A2ML1: variants seen among roughly 807,000 people sequenced by gnomAD.
A2ML1 encodes the protein alpha-2-macroglobulin like 1, also known as alpha-2-macroglobulin-like protein 1.
In A2ML1, 161 loss-of-function variants were observed where a neutral mutation model predicts 181.9. That is an observed-to-expected ratio of 0.89 (90% CI 0.78 to 1.01). The LOEUF (loss-of-function observed/expected upper bound fraction) is 1.01, where lower values mean the gene tolerates loss of function less well. Among genes scored for constraint, A2ML1 ranks in the 50% least tolerant of loss-of-function variants. The probability of loss-of-function intolerance (pLI) is 0.00; values close to 1 mark genes in which losing one functional copy is unlikely to be tolerated. For synonymous variants in A2ML1, 663 were observed against 666.8 expected (o/e 0.99, Z 0.09); for missense variants, 1,670 against 1,768.1 (o/e 0.94, Z 1.00).
chr12:8,828,550 C>T (rs993875382), intron 3 of A2ML1, among the ~76,000 whole-genome samples: 1 of 152,172 alleles, frequency 6.6e-6, no homozygotes, highest in Non-Finnish European at 1.5e-5. Context: ...CCAAGAGCCA[C>T]AGCCCATAAC....
chr12:8,838,308 C>G, intron 8 of A2ML1, 28 bp from the exon 9 acceptor site: 1 of 1,515,928 alleles, frequency 6.6e-7, no homozygotes, highest in Non-Finnish European at 9.1e-7. Context: ...CATCTGCTCT[C>G]TATCTCTGTC....
intron 3 of A2ML1, among the ~76,000 whole-genome samples, chr12:8,828,871 T>C (rs1943017064): frequency 6.6e-6 from 1 of 152,160 alleles, no homozygotes; most frequent in Non-Finnish European, 1.5e-5. Context: ...GTCTAAATGC[T>C]CCCTCCATGG....
chr12:8,868,520 C>A lies in A2ML1; in HGVS notation c.4062-17C>A, dbSNP rs1165097948. On this transcript the variant is annotated splice_polypyrimidine_tract_variant and intron_variant, in intron 31 of 35. Transcript: ENST00000299698. ...GAAGTAATAGGCTCACATGTGTTTT[C>A]TTCTTCCTGCTCTCAGTTATGTGGG... 1.9e-6 allele frequency: 3 copies of A among 1,612,582 alleles called. No individual in the cohort carries two copies. The highest frequency in any genetic ancestry group is 2.2e-5 in the South Asian group (2 of 90,860).
intron 4 of A2ML1, among the ~76,000 whole-genome samples, chr12:8,831,606 T>TAGACAGGGTTGATTTATCG (rs1170411764): frequency 1.3e-5 from 2 of 152,200 alleles, no homozygotes; most frequent in Non-Finnish European, 2.9e-5. Context: ...GCCTGCTGCT[T>TAGACAGGGTTGATTTATCG]AGACAGGGTT....
intron 32 of A2ML1, 115 bp downstream of exon 32, chr12:8,868,742 G>GTA: frequency 1.4e-6 from 1 of 726,604 alleles, no homozygotes; most frequent in Non-Finnish European, 2.3e-6. Flanking sequence ...CACAAGGCAT[G>GTA]TATATACATA....
At chr12:8,882,712 AG>A (rs1944882823) in intron 7 of A2ML1, among the ~76,000 whole-genome samples, 1 of 152,204 alleles carries the variant, frequency 6.6e-6, no homozygotes, top group Non-Finnish European at 1.5e-5. Context: ...CTGTAGTCCC[AG>A]CACTTTGGGA....
intron 29 of A2ML1, among the ~76,000 whole-genome samples, chr12:8,865,462 C>T (rs1944393831): frequency 6.6e-6 from 1 of 152,154 alleles, no homozygotes; most frequent in Admixed American, 6.5e-5. Context: ...TCGCTTGAAC[C>T]CGGGAGGCAG....
chr12:8,857,238 A>G lies in A2ML1; in HGVS notation c.2923A>G (p.Met975Val), dbSNP rs773352640. The change falls in exon 24 of 36, where the codon ATG becomes GTG. Residue 975 changes from methionine (M) to valine (V), a missense_variant. Physicochemically the swap from Met to Val is conservative, Grantham distance 21. Coordinates refer to ENST00000299698, the MANE Select transcript of A2ML1 (RefSeq NM_144670.6). ...GCCCAGTGGCTGTGGCGAGCAGAAC[A>G]TGGTCTTGTTTGCTCCCATCATCTA... ...QMPSGCGEQN[M>V]VLFAPIIYVL... is the part of the protein sequence containing the mutation. 1.2e-6 allele frequency: 2 copies of G among 1,613,370 alleles called. No homozygotes were observed. The highest frequency in any genetic ancestry group is 1.7e-5 in the Admixed American group (1 of 60,016).
In A2ML1 at chr12:8,843,250, C is replaced by G. The variant is rs1565473400; in HGVS notation, c.1365C>G (p.Ile455Met). 6.2e-7 allele frequency: 1 copy of G among 1,614,262 alleles called. No individual in the cohort carries two copies. Among genetic ancestry groups the G allele is most frequent in the Non-Finnish European group, 8.5e-7 (1 of 1,180,050 alleles). ...FYSTTRSFLG[I>M]HRLNGPLKCG... is the part of the protein sequence containing the mutation. ...GCACAACCCGCAGCTTCCTTGGCAT[C>G]CACCGGCTAAACGGCCCCTTGAAAT... is the stretch of plus-strand genomic sequence containing the variant. The change falls in exon 12 of 36, where the codon ATC becomes ATG. Residue 455 changes from isoleucine to methionine, a missense_variant. Coordinates refer to ENST00000299698, the MANE Select transcript of A2ML1 (RefSeq NM_144670.6).
At chr12:8,844,067 G>A (rs1249878386) in intron 12 of A2ML1, among the ~76,000 whole-genome samples, 1 of 151,676 alleles carries the variant, frequency 6.6e-6, no homozygotes, top group African/African-American at 2.4e-5. Flanking sequence ...GCATGGCCCA[G>A]TATAGGTGTA....
At position 8,852,039 on chromosome 12, in the gene A2ML1, G is replaced by C. The variant is rs776749220; in HGVS notation, c.2463+27G>C. 6.2e-7 allele frequency: 1 copy of C among 1,608,872 alleles called. No homozygotes were observed. The highest frequency in any genetic ancestry group is 1.1e-5 in the South Asian group (1 of 90,936). On this transcript the variant is annotated intron_variant, in intron 19 of 35. Coordinates refer to ENST00000299698, the MANE Select transcript of A2ML1 (RefSeq NM_144670.6). This position sits in a 1 kb window ranked among gnomAD's most constrained non-coding sequence, Gnocchi z 4.2. Reference sequence around the variant, plus strand: ...TGAGAGCTGGGGATACAGGAATCAGGTGTCAGCCCTGGAATCACACCTCCC... The same window carrying C: ...TGAGAGCTGGGGATACAGGAATCAGCTGTCAGCCCTGGAATCACACCTCCC...
chr12:8,847,533 C>A lies in A2ML1; in HGVS notation c.1684-16C>A. On this transcript the variant is annotated splice_polypyrimidine_tract_variant and intron_variant, in intron 14 of 35. Transcript: ENST00000299698. ...AGGCTGACCTGATCCCCAAGTTATA[C>A]CTTTCCCTTCCCCAGGTTTCCCTTG... 6.2e-7 allele frequency: 1 copy of A among 1,600,910 alleles called. No homozygotes were observed. Among genetic ancestry groups the A allele is most frequent in the Non-Finnish European group, 8.5e-7 (1 of 1,174,504 alleles).
rs11047578 is a variant in A2ML1, at chr12:8,849,393, C to G, written c.2029-276C>G. ...ATGGTCCCTACCCTCAGCATGTTTA[C>G]AGCGTAAGTCAAATAGTAAGGACAT... On this transcript the variant is annotated intron_variant, in intron 16 of 35. Coordinates refer to ENST00000299698, the MANE Select transcript of A2ML1 (RefSeq NM_144670.6). Among the ~76,000 whole-genome samples, 30,985 of 152,078 alleles carry G rather than the reference C, an allele frequency of 0.2. 3,986 individuals are homozygous for G. Among genetic ancestry groups the G allele is most frequent in the African/African-American group, 0.35 (14,370 of 41,462 alleles).
chr12:8,855,913 A>C (rs1033842581), intron 23 of A2ML1, among the ~76,000 whole-genome samples: 1 of 152,184 alleles, frequency 6.6e-6, no homozygotes, highest in African/African-American at 2.4e-5. Flanking sequence ...TTCAAAACTG[A>C]GGAATTTGGG....
At chr12:8,841,116 A>C (rs2136801529) in intron 10 of A2ML1, among the ~76,000 whole-genome samples, 1 of 152,314 alleles carries the variant, frequency 6.6e-6, no homozygotes, top group Non-Finnish European at 1.5e-5. Flanking sequence ...TTCATTAGCC[A>C]CCGGGCAAAT....
chr12:8,854,931 G>A lies in A2ML1; in HGVS notation c.2764+100G>A, dbSNP rs924836590. The A allele has an allele frequency of 6.5e-5, 86 of 1,325,104 alleles. 1 individual carries two copies. Among genetic ancestry groups the A allele is most frequent in the African/African-American group, 5.4e-4 (35 of 64,638 alleles). The allele number at this position is 1,325,104 out of a possible 1,614,324, so 82.1% of individuals were successfully genotyped here. A position where few individuals can be genotyped will look rare whatever the true frequency, so the allele number is the denominator to read the frequency against. ...TTTTTTTGAGACGGAGTCTCGCTCC[G>A]TCGTCCAGGCTGGATTGCAGTGGCA... On this transcript the variant is annotated intron_variant, in intron 22 of 35. Coordinates refer to ENST00000299698, the MANE Select transcript of A2ML1 (RefSeq NM_144670.6).
intron 11 of A2ML1, 111 bp downstream of exon 11, chr12:8,841,647 A>T: frequency 7.0e-6 from 8 of 1,137,120 alleles, no homozygotes; most frequent in Middle Eastern, 2.7e-4. Flanking sequence ...CATCTTTCTC[A>T]CTCACAAGTC....
Position 8,876,272 on chromosome 12 carries a change from A to G in A2ML1, c.*216A>G, listed in dbSNP as rs1474412989. The G allele has an allele frequency of 6.6e-6, 1 of 152,320 alleles. No individual in the cohort carries two copies. Among genetic ancestry groups the G allele is most frequent in the African/African-American group, 2.4e-5 (1 of 41,460 alleles). 9.4% of individuals were successfully genotyped at this position (152,320 alleles called of 1,614,324 possible). On this transcript the variant is annotated 3_prime_UTR_variant, in exon 36 of 36. Transcript: ENST00000299698. ...AACAATCACTCAGAGGAGGCGTTGC[A>G]TGGGCAGGGTCATAGGGGGAAGAAA...
chr12:8,849,001 AC>A lies in A2ML1; in HGVS notation c.2028+88del, dbSNP rs766062293. On this transcript the variant is annotated intron_variant, in intron 16 of 35. Coordinates refer to ENST00000299698, the MANE Select transcript of A2ML1 (RefSeq NM_144670.6). ...AGTTCATATCTAAGAAAGCAGAGAG[AC>A]TCATATGGGCACTGATGGGAACAAA... The A allele has an allele frequency of 7.5e-4, 1,065 of 1,423,688 alleles. 3 individuals are homozygous for A. Among genetic ancestry groups the A allele is most frequent in the Non-Finnish European group, 7.1e-4 (748 of 1,046,216 alleles). 88.2% of individuals were successfully genotyped at this position (1,423,688 alleles called of 1,614,324 possible). A position where few individuals can be genotyped will look rare whatever the true frequency, so the allele number is the denominator to read the frequency against.
Sources: gnomAD v4.1 joint callset for allele counts (sites outside exome capture counted in the v4.1 genomes callset) on GRCh38, gnomAD v4.1.1 for gene constraint, Gnocchi (gnomAD v3.1) non-coding constraint, MANE v1.5 for transcripts, NCBI Gene and HGNC (gene_info 2026-07-23, HGNC 2026-07-21) for gene names.